The following DOK6 variants were observed in gnomAD, a reference collection of about 807,000 sequenced individuals.
DOK6 encodes downstream of tyrosine kinase 6.
Under a neutral mutation model 44.0 loss-of-function variants are expected in DOK6, and 22 were observed. The ratio of observed to expected loss-of-function variants is 0.50; its 90% CI spans 0.36 to 0.71. The LOEUF (loss-of-function observed/expected upper bound fraction) is 0.71, where lower values mean the gene tolerates loss of function less well. Among genes scored for constraint, DOK6 ranks in the 30% least tolerant of loss-of-function variants. DOK6 has a pLI of 0.00. For synonymous variants in DOK6, 166 were observed against 145.5 expected (o/e 1.14, Z -1.01); for missense variants, 340 against 416.4 (o/e 0.82, Z 1.60).
intron 7 of DOK6, among the ~76,000 whole-genome samples, chr18:69,826,568 T>A (rs577085521): frequency 2.6e-5 from 4 of 152,266 alleles, no homozygotes; most frequent in Non-Finnish European, 5.9e-5. Flanking sequence ...ACATGAGGAA[T>A]GTCAAGAAAA....
At chr18:69,558,796 G>C (rs542651055) in intron 1 of DOK6, among the ~76,000 whole-genome samples, 2 of 151,990 alleles carry the variant, frequency 1.3e-5, no homozygotes, top group Admixed American at 1.3e-4. Context: ...AAACAGAACA[G>C]GACGAGAAAA....
At chr18:69,705,994 C>G (rs1568339355) in intron 5 of DOK6, among the ~76,000 whole-genome samples, 1 of 151,922 alleles carries the variant, frequency 6.6e-6, no homozygotes, top group Non-Finnish European at 1.5e-5. Flanking sequence ...TTGATATAGC[C>G]ATCCAGGTAC....
chr18:69,568,210 G>T (rs1349270041), intron 2 of DOK6, among the ~76,000 whole-genome samples: 1 of 152,200 alleles, frequency 6.6e-6, no homozygotes, highest in African/African-American at 2.4e-5. Flanking sequence ...CACAGCGTCA[G>T]CAGGGCAGTT....
At chr18:69,523,995 A>G (rs576245435) in intron 1 of DOK6, among the ~76,000 whole-genome samples, 1 of 152,068 alleles carries the variant, frequency 6.6e-6, no homozygotes, top group Non-Finnish European at 1.5e-5. Context: ...TTCAACTTCC[A>G]TCTGAGATTT....
At chr18:69,787,374 T>TG (rs1980463816) in intron 7 of DOK6, among the ~76,000 whole-genome samples, 1 of 152,202 alleles carries the variant, frequency 6.6e-6, no homozygotes, top group Non-Finnish European at 1.5e-5. Context: ...GTGTGTTAAC[T>TG]TTATTTGTAA....
chr18:69,819,174 A>G (rs1346350267), intron 7 of DOK6, among the ~76,000 whole-genome samples: 2 of 152,134 alleles, frequency 1.3e-5, no homozygotes, highest in East Asian at 1.9e-4. Flanking sequence ...TATATTTCTT[A>G]CTTTTAACCA....
intron 1 of DOK6, among the ~76,000 whole-genome samples, chr18:69,421,589 A>C (rs1978493495): frequency 6.6e-6 from 1 of 152,188 alleles, no homozygotes; most frequent in Non-Finnish European, 1.5e-5. Context: ...TAAACAAGAA[A>C]TACAGATTTG....
At chr18:69,513,577 C>T (rs1003298371) in intron 1 of DOK6, among the ~76,000 whole-genome samples, 1 of 152,170 alleles carries the variant, frequency 6.6e-6, no homozygotes, top group African/African-American at 2.4e-5. Context: ...GGGTTTAAAA[C>T]TAGATTTCAC....
At chr18:69,755,530 A>G (rs908571954) in intron 6 of DOK6, among the ~76,000 whole-genome samples, 2 of 152,240 alleles carry the variant, frequency 1.3e-5, no homozygotes, top group African/African-American at 4.8e-5. Context: ...TTGAAGATTT[A>G]TGTGTTTAAT....
In DOK6 at chr18:69,841,470, T is replaced by G; in HGVS notation, c.*87T>G. 1 of 1,554,248 alleles carries G rather than the reference T, an allele frequency of 6.4e-7. No homozygotes were observed. Among genetic ancestry groups the G allele is most frequent in the Non-Finnish European group, 8.7e-7 (1 of 1,147,324 alleles). The stretch of plus-strand genomic sequence containing the variant: ...TACCCTCTGCCTCCTGGAAGACCAA[T>G]TGCAGTACAAATTGAAATGGGTCGG... On this transcript the variant is annotated 3_prime_UTR_variant, in exon 8 of 8. Coordinates refer to ENST00000382713, the MANE Select transcript of DOK6 (RefSeq NM_152721.6).
chr18:69,442,009 C>T (rs1979149827), intron 1 of DOK6, among the ~76,000 whole-genome samples: 1 of 152,056 alleles, frequency 6.6e-6, no homozygotes, highest in Admixed American at 6.6e-5. Flanking sequence ...CCGGAACATG[C>T]AGAGATAGAG....
chr18:69,636,683 TCTG>T (rs1984817273), intron 3 of DOK6, among the ~76,000 whole-genome samples: 1 of 152,232 alleles, frequency 6.6e-6, no homozygotes, highest in Non-Finnish European at 1.5e-5. Context: ...CCCTCTCACT[TCTG>T]CTAGCTGCTC....
intron 5 of DOK6, among the ~76,000 whole-genome samples, chr18:69,723,846 A>T (rs1327361898): frequency 6.6e-6 from 1 of 152,196 alleles, no homozygotes; most frequent in Admixed American, 6.5e-5. Flanking sequence ...CAAGGCATCC[A>T]AGCTGAGCCC....
Position 69,671,707 on chromosome 18 carries a change from G to C in DOK6, c.290-6027G>C, listed in dbSNP as rs549703531. Among the ~76,000 whole-genome samples, 34 of 152,232 alleles carry C rather than the reference G, an allele frequency of 2.2e-4. No homozygotes were observed. In the South Asian group the frequency reaches 6.6e-3, roughly 30 times the overall value. On this transcript the variant is annotated intron_variant, in intron 3 of 7. Transcript: ENST00000382713. Reference sequence around the variant, plus strand: ...AAGACTTATAAACTCTACTTAAATTGAGACAATAGAGACCTCAAAATATCC... The same window carrying C: ...AAGACTTATAAACTCTACTTAAATTCAGACAATAGAGACCTCAAAATATCC...
chr18:69,834,836 C>T (rs569759922), intron 7 of DOK6, among the ~76,000 whole-genome samples: 1 of 152,258 alleles, frequency 6.6e-6, no homozygotes, highest in South Asian at 2.1e-4. Flanking sequence ...TAAAGACATA[C>T]CCAAGACTGG....
intron 2 of DOK6, among the ~76,000 whole-genome samples, chr18:69,574,684 G>C (rs1983196759): frequency 6.6e-6 from 1 of 151,950 alleles, no homozygotes; most frequent in African/African-American, 2.4e-5. Context: ...AAATTGCATG[G>C]GGCAATAATT....
At chr18:69,729,956 A>G (rs1978348921) in intron 5 of DOK6, among the ~76,000 whole-genome samples, 1 of 152,184 alleles carries the variant, frequency 6.6e-6, no homozygotes, top group African/African-American at 2.4e-5. Flanking sequence ...CAAAAGAAAC[A>G]TATGTTAAGA....
At chr18:69,740,060 T>C (rs1978748826) in intron 6 of DOK6, among the ~76,000 whole-genome samples, 2 of 152,186 alleles carry the variant, frequency 1.3e-5, no homozygotes, top group Admixed American at 1.3e-4. Context: ...AATACTATAT[T>C]TCTCTCTCCA....
intron 3 of DOK6, among the ~76,000 whole-genome samples, chr18:69,650,370 C>T (rs1238080802): frequency 6.6e-6 from 1 of 152,096 alleles, no homozygotes; most frequent in Non-Finnish European, 1.5e-5. Context: ...GCATAAGGTT[C>T]TGTTCTAGAG....
Sources: allele counts gnomAD v4.1 joint callset (sites outside exome capture counted in the v4.1 genomes callset), GRCh38; gene constraint gnomAD v4.1.1; transcripts MANE v1.5; gene names NCBI Gene and HGNC (gene_info 2026-07-23, HGNC 2026-07-21).